NFIA: variants seen among roughly 807,000 people sequenced by gnomAD.
NFIA encodes the protein nuclear factor 1 A-type.
NFIA carries 8 observed loss-of-function variants against 62.8 expected under a neutral mutation model. The observed-to-expected ratio is 0.13, with a 90% CI of 0.07 to 0.23. The LOEUF (loss-of-function observed/expected upper bound fraction) is 0.23. Among genes scored for constraint, NFIA ranks in the 10% least tolerant of loss-of-function variants. NFIA has a pLI of 1.00. For missense variants in NFIA, 410 were observed against 642.1 expected, an observed-to-expected ratio of 0.64 and a Z score of 3.91; for synonymous variants, 235 against 238.1, an observed-to-expected ratio of 0.99 and a Z score of 0.12.
intron 2 of NFIA, among the ~76,000 whole-genome samples, chr1:61,264,556 C>A (rs796912319): frequency 6.9e-6 from 1 of 144,836 alleles, no homozygotes; most frequent in African/African-American, 2.6e-5. Flanking sequence ...GAGGCTGAGA[C>A]GGGAGAATTG....
intron 7 of NFIA, among the ~76,000 whole-genome samples, chr1:61,392,825 T>C (rs1268722974): frequency 6.6e-6 from 1 of 152,352 alleles, no homozygotes; most frequent in East Asian, 1.9e-4. Flanking sequence ...AATAGGGTGA[T>C]GAACCCAGGG....
At chr1:61,299,499 G>C (rs1659380490) in intron 3 of NFIA, among the ~76,000 whole-genome samples, 1 of 152,112 alleles carries the variant, frequency 6.6e-6, no homozygotes, top group Non-Finnish European at 1.5e-5. Flanking sequence ...AAGCATTTTT[G>C]TTAAAGGGAA....
chr1:61,351,299 A>G (rs1051628175), intron 4 of NFIA, among the ~76,000 whole-genome samples: 7 of 152,180 alleles, frequency 4.6e-5, no homozygotes, highest in African/African-American at 1.4e-4. Flanking sequence ...TCTTTCATCT[A>G]AGTGCCTTCC....
intron 3 of NFIA, among the ~76,000 whole-genome samples, chr1:61,291,408 T>C (rs1658873553): frequency 6.6e-6 from 1 of 152,256 alleles, no homozygotes; most frequent in South Asian, 2.1e-4. Context: ...CATGTAAGTG[T>C]GTAGAACATT....
At chr1:61,154,210 G>A (rs1170771573) in intron 2 of NFIA, among the ~76,000 whole-genome samples, 1 of 152,124 alleles carries the variant, frequency 6.6e-6, no homozygotes, top group Non-Finnish European at 1.5e-5. Flanking sequence ...AGTGCGTGGT[G>A]CGATCTTGGC....
chr1:61,148,470 A>G (rs1200644503), intron 2 of NFIA, among the ~76,000 whole-genome samples: 1 of 152,128 alleles, frequency 6.6e-6, no homozygotes, highest in African/African-American at 2.4e-5. Flanking sequence ...AGGAGGCATC[A>G]TAGTGGGTAT....
At chr1:61,249,450 TG>T (rs1238065924) in intron 2 of NFIA, among the ~76,000 whole-genome samples, 2 of 152,160 alleles carry the variant, frequency 1.3e-5, no homozygotes, top group Non-Finnish European at 2.9e-5. Flanking sequence ...TGCTATTAGA[TG>T]GGGGAGGTGG....
chr1:61,175,750 G>T (rs763161384), intron 2 of NFIA, among the ~76,000 whole-genome samples: 26 of 152,162 alleles, frequency 1.7e-4, no homozygotes, highest in Non-Finnish European at 3.4e-4. Context: ...TCTTCATGTG[G>T]TTGCCTTCTG....
chr1:61,181,446 G>T (rs764168516), intron 2 of NFIA, among the ~76,000 whole-genome samples: 6 of 152,174 alleles, frequency 3.9e-5, no homozygotes, highest in Non-Finnish European at 8.8e-5. Flanking sequence ...ATTTACATTT[G>T]TAACATAATT....
chr1:61,183,171 T>C (rs1389005884), intron 2 of NFIA, among the ~76,000 whole-genome samples: 1 of 152,218 alleles, frequency 6.6e-6, no homozygotes, highest in East Asian at 1.9e-4. Flanking sequence ...CAGCCACCTA[T>C]CAGAGGTTTC....
At chr1:61,095,271 T>C (rs1646390627) in intron 2 of NFIA, among the ~76,000 whole-genome samples, 1 of 152,222 alleles carries the variant, frequency 6.6e-6, no homozygotes, top group African/African-American at 2.4e-5. Context: ...CAGCAGGCAC[T>C]GAGTAAGGTT....
At chr1:61,208,215 G>A (rs1038048037) in intron 2 of NFIA, among the ~76,000 whole-genome samples, 1 of 151,990 alleles carries the variant, frequency 6.6e-6, no homozygotes, top group Non-Finnish European at 1.5e-5. Flanking sequence ...TTGAACTCTT[G>A]TTTTTGTACA....
At chr1:61,193,014 G>T (rs74762505) in intron 2 of NFIA, among the ~76,000 whole-genome samples, 2,373 of 152,224 alleles carry the variant, frequency 0.016, 34 homozygotes, top group East Asian at 0.096. Flanking sequence ...GAAAACTTTG[G>T]TACTCAGATT....
intron 3 of NFIA, among the ~76,000 whole-genome samples, chr1:61,297,532 G>A (rs1659251833): frequency 1.3e-5 from 2 of 152,308 alleles, no homozygotes; most frequent in South Asian, 2.1e-4. Flanking sequence ...CTTCCTTTGA[G>A]AATAGTCCTT....
chr1:61,407,225 G>A (rs374125363), intron 9 of NFIA, among the ~76,000 whole-genome samples: 17 of 152,170 alleles, frequency 1.1e-4, no homozygotes, highest in African/African-American at 3.9e-4. Flanking sequence ...CTGAGAGTAA[G>A]AGCCTGGCAG....
intron 2 of NFIA, among the ~76,000 whole-genome samples, chr1:61,210,247 G>A (rs147098999): frequency 4.7e-4 from 72 of 152,218 alleles, no homozygotes; most frequent in African/African-American, 1.7e-3. Flanking sequence ...AAGGAAGGTT[G>A]GTAAGCTCAA....
intron 2 of NFIA, among the ~76,000 whole-genome samples, chr1:61,134,083 T>G (rs1422352888): frequency 2.0e-5 from 3 of 152,160 alleles, no homozygotes; most frequent in African/African-American, 7.2e-5. Context: ...CACTCCAGCC[T>G]GGGTGACGGT....
chr1:61,254,422 G>A (rs1228434640), intron 2 of NFIA, among the ~76,000 whole-genome samples: 2 of 152,186 alleles, frequency 1.3e-5, no homozygotes, highest in Non-Finnish European at 2.9e-5. Flanking sequence ...AAATGATAGA[G>A]CATTGACACA....
At chr1:61,255,739 T>G (rs919096228) in intron 2 of NFIA, among the ~76,000 whole-genome samples, 1 of 152,210 alleles carries the variant, frequency 6.6e-6, no homozygotes, top group African/African-American at 2.4e-5. Context: ...CTGGCAGTTG[T>G]GAAACTAAGT....
Sources: gnomAD v4.1 joint callset for allele counts (sites outside exome capture counted in the v4.1 genomes callset) on GRCh38, gnomAD v4.1.1 for gene constraint, MANE v1.5 for transcripts, NCBI Gene and HGNC (gene_info 2026-07-23, HGNC 2026-07-21) for gene names.